The following MRPL48 variants were observed in gnomAD, a reference collection of about 807,000 sequenced individuals.
The protein encoded by MRPL48 is large ribosomal subunit protein mL48.
Under a neutral mutation model 32.9 loss-of-function variants are expected in MRPL48, and 16 were observed. The ratio of observed to expected loss-of-function variants is 0.49; its 90% CI spans 0.33 to 0.74. The LOEUF is 0.74. Among genes scored for constraint, MRPL48 ranks in the 30% least tolerant of loss-of-function variants. MRPL48 has a pLI of 0.02. For synonymous variants in MRPL48, 94 were observed against 89.2 expected (o/e 1.05, Z -0.31); for missense variants, 206 against 245.3 (o/e 0.84, Z 1.07).
chr11:73,854,545 C>T (rs927248852), intron 5 of MRPL48, among the ~76,000 whole-genome samples: 2 of 152,114 alleles, frequency 1.3e-5, no homozygotes, highest in Non-Finnish European at 2.9e-5. Context: ...CCTTGGCCTC[C>T]CAAAGTGCTA....
chr11:73,834,007 C>T (rs1314046009), intron 4 of MRPL48, among the ~76,000 whole-genome samples: 2 of 152,050 alleles, frequency 1.3e-5, no homozygotes, highest in South Asian at 2.1e-4. Flanking sequence ...TAGGTGCGCC[C>T]CACCACACCT....
At chr11:73,799,975 G>A (rs535484702) in intron 1 of MRPL48, among the ~76,000 whole-genome samples, 1 of 152,246 alleles carries the variant, frequency 6.6e-6, no homozygotes, top group South Asian at 2.1e-4. Context: ...ATGGACTTTG[G>A]ATTCAGGCAG....
In MRPL48 at chr11:73,816,531, T is replaced by C. The variant is rs188704360; in HGVS notation, c.112+8181T>C. Among the ~76,000 whole-genome samples, 9 of 151,974 alleles carry C rather than the reference T, an allele frequency of 5.9e-5. No individual in the cohort carries two copies. The East Asian group carries it at 1.6e-3, about 26-fold the overall frequency. ...CCCAGGCTAGAGAGCAATGGCACGA[T>C]CTTGGCCCACTGCAACCTCCACCTC... On this transcript the variant is annotated intron_variant, in intron 3 of 7. Coordinates refer to ENST00000310614, the MANE Select transcript of MRPL48 (RefSeq NM_016055.6).
Position 73,864,195 on chromosome 11 carries a change from T to C in MRPL48, c.565-101T>C. 6.4e-6 allele frequency: 6 copies of C among 944,862 alleles called. No homozygotes were observed. In the South Asian group the frequency reaches 9.0e-5, roughly 14 times the overall value. The allele number at this position is 944,862 out of a possible 1,614,324, so 58.5% of individuals were successfully genotyped here. On this transcript the variant is annotated intron_variant, in intron 7 of 7. Coordinates refer to ENST00000310614, the MANE Select transcript of MRPL48 (RefSeq NM_016055.6). ...AAAGTTACTTGAATCTGAATGATTC[T>C]CTACAGAGCTGGTTCAAGGGCCCTT...
chr11:73,827,012 G>A (rs1947909191), intron 4 of MRPL48, among the ~76,000 whole-genome samples: 1 of 151,498 alleles, frequency 6.6e-6, no homozygotes, highest in Non-Finnish European at 1.5e-5. Flanking sequence ...CCGACCTCAG[G>A]TGATCTGCCT....
chr11:73,816,719 C>T (rs1164675104), intron 3 of MRPL48, among the ~76,000 whole-genome samples: 2 of 152,132 alleles, frequency 1.3e-5, no homozygotes, highest in African/African-American at 4.8e-5. Context: ...CCGCCTTGGC[C>T]TCCTAAATTG....
intron 1 of MRPL48, among the ~76,000 whole-genome samples, chr11:73,796,222 C>T (rs566773906): frequency 1.7e-4 from 26 of 152,326 alleles, no homozygotes; most frequent in Admixed American, 1.0e-3. Flanking sequence ...CAGTTACGGC[C>T]GCCCAAACTG....
intron 5 of MRPL48, among the ~76,000 whole-genome samples, chr11:73,854,472 A>G (rs1243942236): frequency 6.6e-6 from 1 of 152,132 alleles, no homozygotes; most frequent in Admixed American, 6.5e-5. Context: ...TTTTTAGTAC[A>G]GATGGGGTTT....
At chr11:73,825,862 GAT>G in intron 4 of MRPL48, 66 bp downstream of exon 4, 2 of 1,320,138 alleles carry the variant, frequency 1.5e-6, no homozygotes, top group South Asian at 2.6e-5. Flanking sequence ...CTGAAGATCA[GAT>G]ATGTATAGTT....
intron 5 of MRPL48, among the ~76,000 whole-genome samples, chr11:73,859,072 G>A (rs949977670): frequency 2.6e-5 from 4 of 151,614 alleles, no homozygotes; most frequent in Admixed American, 6.6e-5. Flanking sequence ...GATACCCAGT[G>A]GGTAGAGGGA....
chr11:73,833,024 A>G (rs1309412200), intron 4 of MRPL48, among the ~76,000 whole-genome samples: 1 of 152,182 alleles, frequency 6.6e-6, no homozygotes, highest in East Asian at 1.9e-4. Flanking sequence ...GAGAACAAAG[A>G]TAAGCAATTC....
Position 73,820,310 on chromosome 11 carries a change from C to T in MRPL48, c.113-5398C>T, listed in dbSNP as rs780840675. On this transcript the variant is annotated intron_variant, in intron 3 of 7. Transcript: ENST00000310614. ...TTCAATCTCTGCTCACTGCAAACTC[C>T]GCCTCCCGGGTTCAAGTGATTCTCC... Among the ~76,000 whole-genome samples the T allele has an allele frequency of 2.0e-5, 3 of 152,088 alleles. No homozygotes were observed. The South Asian group carries it at 6.2e-4, about 31-fold the overall frequency.
intron 4 of MRPL48, among the ~76,000 whole-genome samples, chr11:73,840,022 C>A (rs1460101475): frequency 6.6e-6 from 1 of 151,354 alleles, no homozygotes; most frequent in Non-Finnish European, 1.5e-5. Context: ...CACTTGAGAC[C>A]CGGAGTTCCA....
chr11:73,849,735 A>G (rs1166010217), intron 5 of MRPL48, among the ~76,000 whole-genome samples: 4 of 152,234 alleles, frequency 2.6e-5, no homozygotes, highest in Non-Finnish European at 5.9e-5. Flanking sequence ...TTGTGAGAAC[A>G]CACGTCTTCA....
rs532969457 is a variant in MRPL48 at position 73,846,872 on chromosome 11, A to T, written c.371+1896A>T. Among the ~76,000 whole-genome samples the T allele has an allele frequency of 2.0e-5, 3 of 151,274 alleles. No homozygotes were observed. In the South Asian group the frequency reaches 6.3e-4, roughly 32 times the overall value. ...CACCAACTCGCCAAGCTGATTTTTT[A>T]TTTTCCTGATATGACCTAGTCCTCT... is the stretch of plus-strand genomic sequence containing the variant. On this transcript the variant is annotated intron_variant, in intron 5 of 7. Coordinates refer to ENST00000310614, the MANE Select transcript of MRPL48 (RefSeq NM_016055.6).
At chr11:73,818,351 CG>C (rs1198830558) in intron 3 of MRPL48, among the ~76,000 whole-genome samples, 1 of 151,960 alleles carries the variant, frequency 6.6e-6, no homozygotes, top group African/African-American at 2.4e-5. Flanking sequence ...AGAGACAAGA[CG>C]AAGGGAACTT....
intron 4 of MRPL48, among the ~76,000 whole-genome samples, chr11:73,836,418 C>T (rs749181304): frequency 1.2e-4 from 19 of 152,094 alleles, no homozygotes; most frequent in Non-Finnish European, 2.2e-4. Flanking sequence ...AGTCTGGTCT[C>T]GAACTTCTGA....
chr11:73,840,665 A>G (rs1948172251), intron 4 of MRPL48, among the ~76,000 whole-genome samples: 4 of 152,038 alleles, frequency 2.6e-5, no homozygotes, highest in Admixed American at 2.0e-4. Context: ...ACGCCCAGCT[A>G]ATTTTTGTAT....
intron 4 of MRPL48, among the ~76,000 whole-genome samples, chr11:73,835,349 C>T (rs937975898): frequency 6.6e-6 from 1 of 151,444 alleles, no homozygotes; most frequent in African/African-American, 2.4e-5. Context: ...ACCATTTTGG[C>T]TAGGATAGTC....
Sources: allele counts gnomAD v4.1 joint callset (sites outside exome capture counted in the v4.1 genomes callset), GRCh38; gene constraint gnomAD v4.1.1; transcripts MANE v1.5; gene names NCBI Gene and HGNC (gene_info 2026-07-23, HGNC 2026-07-21).